The following OPCML variants were observed in gnomAD, a reference collection of about 807,000 sequenced individuals.
The protein encoded by OPCML is opioid-binding protein/cell adhesion molecule.
Under a neutral mutation model 37.8 loss-of-function variants are expected in OPCML, and 13 were observed. The ratio of observed to expected loss-of-function variants is 0.34; its 90% CI spans 0.22 to 0.55. OPCML has a LOEUF of 0.55. Among genes scored for constraint, OPCML ranks in the 20% least tolerant of loss-of-function variants. The pLI, the probability that OPCML is intolerant of heterozygous loss-of-function variation, is 0.91. For synonymous variants in OPCML, 176 were observed against 168.8 expected (o/e 1.04, Z -0.33); for missense variants, 341 against 435.6 (o/e 0.78, Z 1.93).
chr11:132,852,101 G>A (rs1232715886), intron 2 of OPCML, among the ~76,000 whole-genome samples: 1 of 152,150 alleles, frequency 6.6e-6, no homozygotes. Context: ...ACGGGCAGTC[G>A]AGGCGAGAAA....
At chr11:132,973,328 ACAATCCCTCTTTCGT>A (rs1363836719) in intron 1 of OPCML, among the ~76,000 whole-genome samples, 2 of 152,096 alleles carry the variant, frequency 1.3e-5, no homozygotes, top group Admixed American at 1.3e-4. Flanking sequence ...TGCTTATACC[ACAATCCCTCTTTCGT>A]CAGCTTGCTT....
At chr11:133,328,713 C>T (rs1176760952) in intron 1 of OPCML, among the ~76,000 whole-genome samples, 1 of 152,136 alleles carries the variant, frequency 6.6e-6, no homozygotes, top group East Asian at 1.9e-4. Context: ...ATGACAAACC[C>T]ACAGCCAATA....
intron 1 of OPCML, among the ~76,000 whole-genome samples, chr11:133,094,738 T>C (rs1419366963): frequency 6.6e-6 from 1 of 152,156 alleles, no homozygotes; most frequent in Non-Finnish European, 1.5e-5. Flanking sequence ...GAATGAACTA[T>C]ATGCTTACAC....
At chr11:132,905,225 C>CTTTTTTTTTTTTTTTTTTTTTTTTTT (rs373679886) in intron 2 of OPCML, among the ~76,000 whole-genome samples, 1 of 88,394 alleles carries the variant, frequency 1.1e-5, no homozygotes, top group Non-Finnish European at 2.1e-5. Context: ...GAAAGCAGTT[C>CTTTTTTTTTTTTTTTTTTTTTTTTTT]TTTTTTTTTT....
rs911159143 is a variant in OPCML, at chr11:132,808,396, A to G, written c.146+134530T>C. Among the ~76,000 whole-genome samples, 8 of 152,244 alleles carry G rather than the reference A, an allele frequency of 5.3e-5. No homozygotes were observed. The South Asian group carries it at 6.2e-4, about 12-fold the overall frequency. ...ACAGAATGTGCAAATGCACAGTGCT[A>G]CAAGAAAGCATTACTGGTCAGGGAA... On this transcript the variant is annotated intron_variant, in intron 2 of 7. Transcript: ENST00000524381.
At chr11:132,666,729 C>G (rs919145838) in intron 2 of OPCML, among the ~76,000 whole-genome samples, 1 of 152,116 alleles carries the variant, frequency 6.6e-6, no homozygotes, top group Non-Finnish European at 1.5e-5. Flanking sequence ...CATGTGGGGT[C>G]TGGGATTGAG....
At chr11:133,477,080 T>A (rs932010818) in intron 1 of OPCML, among the ~76,000 whole-genome samples, 1 of 152,138 alleles carries the variant, frequency 6.6e-6, no homozygotes, top group African/African-American at 2.4e-5. Context: ...GGAAGGTCAG[T>A]TACAAGCCAG....
intron 1 of OPCML, among the ~76,000 whole-genome samples, chr11:133,499,889 T>G (rs2120527034): frequency 1.4e-5 from 2 of 142,078 alleles, no homozygotes; most frequent in South Asian, 4.5e-4. Flanking sequence ...TTTTTTTTTT[T>G]GAAAGGGAGT....
At chr11:132,886,882 G>A (rs192691602) in intron 2 of OPCML, among the ~76,000 whole-genome samples, 49 of 152,234 alleles carry the variant, frequency 3.2e-4, no homozygotes, top group African/African-American at 7.0e-4. Flanking sequence ...ATCCCAGAAC[G>A]CCATCGTGCC....
intron 4 of OPCML, among the ~76,000 whole-genome samples, chr11:132,473,214 TTTGTGAAAAC>T (rs1257467597): frequency 6.6e-6 from 1 of 152,240 alleles, no homozygotes; most frequent in Non-Finnish European, 1.5e-5. Flanking sequence ...AATGTGCAGC[TTTGTGAAAAC>T]TTGTGAAAAT....
chr11:132,925,352 G>C (rs1239815293), intron 2 of OPCML, among the ~76,000 whole-genome samples: 1 of 152,188 alleles, frequency 6.6e-6, no homozygotes, highest in Non-Finnish European at 1.5e-5. Context: ...TTCCCATCCT[G>C]CAGTGGGATA....
intron 1 of OPCML, among the ~76,000 whole-genome samples, chr11:133,069,634 A>G (rs1948493519): frequency 6.6e-6 from 1 of 152,126 alleles, no homozygotes; most frequent in Non-Finnish European, 1.5e-5. Context: ...CATGTATAGG[A>G]GTGTGTGAGA....
chr11:132,675,562 G>A (rs370159449), intron 2 of OPCML, among the ~76,000 whole-genome samples: 107 of 152,000 alleles, frequency 7.0e-4, no homozygotes, highest in African/African-American at 2.3e-3. Flanking sequence ...ATAAAAAAAC[G>A]CAAGTAGAAT....
intron 1 of OPCML, among the ~76,000 whole-genome samples, chr11:133,062,436 G>A (rs964769959): frequency 1.3e-5 from 2 of 152,186 alleles, no homozygotes; most frequent in African/African-American, 2.4e-5. Context: ...ATACTGCTGA[G>A]TAGTTTTCCA....
At chr11:133,230,390 T>A (rs1049948343) in intron 1 of OPCML, among the ~76,000 whole-genome samples, 2 of 150,986 alleles carry the variant, frequency 1.3e-5, no homozygotes, top group African/African-American at 2.5e-5. Flanking sequence ...CAAGGCGAGG[T>A]GCTGGACAGC....
At chr11:133,528,910 G>C (rs1015166596) in intron 1 of OPCML, among the ~76,000 whole-genome samples, 1 of 152,188 alleles carries the variant, frequency 6.6e-6, no homozygotes, top group Non-Finnish European at 1.5e-5. Flanking sequence ...GTCTGAATTT[G>C]AGCAAAGAAG....
At chr11:132,873,866 G>A (rs1411706657) in intron 2 of OPCML, among the ~76,000 whole-genome samples, 2 of 152,330 alleles carry the variant, frequency 1.3e-5, no homozygotes, top group East Asian at 1.9e-4. Context: ...GAATTAAAAT[G>A]TAGTCAAATC....
chr11:133,030,114 A>C (rs974570412), intron 1 of OPCML, among the ~76,000 whole-genome samples: 1 of 152,146 alleles, frequency 6.6e-6, no homozygotes, highest in Non-Finnish European at 1.5e-5. Flanking sequence ...GCCACACTAC[A>C]TTCCCAGAAA....
At chr11:132,572,993 T>C (rs1263981026) in intron 3 of OPCML, among the ~76,000 whole-genome samples, 1 of 151,990 alleles carries the variant, frequency 6.6e-6, no homozygotes, top group Non-Finnish European at 1.5e-5. Context: ...CCCAAGTATT[T>C]CAATTTTTTG....
Sources: allele counts gnomAD v4.1 joint callset (sites outside exome capture counted in the v4.1 genomes callset), GRCh38; gene constraint gnomAD v4.1.1; transcripts MANE v1.5; gene names NCBI Gene and HGNC (gene_info 2026-07-23, HGNC 2026-07-21).